The following RAB3GAP1 variants were observed in gnomAD, a reference collection of about 807,000 sequenced individuals.
RAB3GAP1 encodes the protein rab3 GTPase-activating protein catalytic subunit.
In RAB3GAP1, 86 loss-of-function variants were observed where a neutral mutation model predicts 130.7. The observed-to-expected ratio is 0.66, with a 90% CI of 0.55 to 0.79. RAB3GAP1 has a LOEUF of 0.79. Among genes scored for constraint, RAB3GAP1 ranks in the 30% least tolerant of loss-of-function variants. RAB3GAP1 has a pLI of 0.00. For missense variants in RAB3GAP1, 1,029 were observed against 1,169.4 expected (o/e 0.88, Z 1.75); for synonymous variants, 367 against 401.7 (o/e 0.91, Z 1.03).
At position 135,135,816 on chromosome 2, in the gene RAB3GAP1, G is replaced by C. The variant is rs771123278; in HGVS notation, c.1807G>C (p.Gly603Arg). The change falls in exon 17 of 24, where the codon GGC becomes CGC. Residue 603 changes from glycine (G) to arginine (R), a missense_variant. By Grantham distance (125) the Gly-to-Arg change is moderately radical. Transcript: ENST00000264158. Reference sequence around the variant, plus strand: ...ACTTAAAGGAAATGGACAAGAGAGTGGCAAGAAAGGAGGACCTAAGGAGAT... The same window carrying C: ...ACTTAAAGGAAATGGACAAGAGAGTCGCAAGAAAGGAGGACCTAAGGAGAT... ...EELKGNGQES[G>R]KKGGPKEMAN... 1 of 1,614,056 alleles carries C rather than the reference G, an allele frequency of 6.2e-7. No homozygotes were observed. Among genetic ancestry groups the C allele is most frequent in the African/African-American group, 1.3e-5 (1 of 74,934 alleles).
intron 22 of RAB3GAP1, 74 bp from the exon 23 acceptor site, chr2:135,164,520 C>A: frequency 1.7e-6 from 2 of 1,181,106 alleles, no homozygotes; most frequent in South Asian, 2.5e-5. Context: ...CACAAAACTC[C>A]TGTGGGAGGA....
intron 3 of RAB3GAP1, 94 bp from the exon 4 acceptor site, chr2:135,090,904 G>T: frequency 1.8e-6 from 2 of 1,132,080 alleles, no homozygotes; most frequent in Non-Finnish European, 1.3e-6. Flanking sequence ...GATATTTATA[G>T]GGCAGAAAAA....
intron 5 of RAB3GAP1, among the ~76,000 whole-genome samples, chr2:135,096,122 A>C (rs1324983443): frequency 1.3e-5 from 2 of 152,208 alleles, no homozygotes; most frequent in Non-Finnish European, 2.9e-5. Flanking sequence ...AGTTATTCCA[A>C]GTGTCTGTGA....
At chr2:135,072,317 A>G (rs1689498232) in intron 3 of RAB3GAP1, among the ~76,000 whole-genome samples, 1 of 152,230 alleles carries the variant, frequency 6.6e-6, no homozygotes, top group Non-Finnish European at 1.5e-5. Flanking sequence ...AGTAGCAGGC[A>G]TCATTGGGGA....
chr2:135,135,650 G>C lies in RAB3GAP1; in HGVS notation c.1641G>C (p.Gly547=). The change falls in exon 17 of 24, where the codon GGG becomes GGC. Residue 547 remains glycine, a synonymous_variant. Transcript: ENST00000264158. ...SASDVTNIYP[G]DAGKAGDQLV... ...CAGATGTCACTAATATATATCCAGGGGATGCTGGAAAAGCAGGAGACCAGT... is the reference window on the plus strand; with the variant it reads ...CAGATGTCACTAATATATATCCAGGCGATGCTGGAAAAGCAGGAGACCAGT... The C allele has an allele frequency of 6.2e-7, 1 of 1,613,520 alleles. No individual in the cohort carries two copies. The highest frequency in any genetic ancestry group is 2.2e-5 in the East Asian group (1 of 44,876).
intron 3 of RAB3GAP1, among the ~76,000 whole-genome samples, chr2:135,079,619 T>C (rs1332964504): frequency 6.6e-6 from 1 of 152,232 alleles, no homozygotes. Context: ...TCGTCTGTTC[T>C]TTCTTATCAG....
intron 3 of RAB3GAP1, among the ~76,000 whole-genome samples, chr2:135,075,679 G>A (rs1244291661): frequency 4.3e-5 from 6 of 138,956 alleles, no homozygotes; most frequent in Non-Finnish European, 9.3e-5. Flanking sequence ...GCCTTTTTTT[G>A]GGGGGGGTCA....
At chr2:135,143,694 A>T (rs887444222) in intron 17 of RAB3GAP1, among the ~76,000 whole-genome samples, 12 of 151,556 alleles carry the variant, frequency 7.9e-5, no homozygotes, top group Non-Finnish European at 1.3e-4. Flanking sequence ...AGTAGCTGGG[A>T]CTACAGGTGC....
At chr2:135,130,747 G>A (rs1396320492) in intron 13 of RAB3GAP1, 26 bp downstream of exon 13, 2 of 1,584,880 alleles carry the variant, frequency 1.3e-6, no homozygotes, top group Middle Eastern at 1.7e-4. Flanking sequence ...GTCTTTATAG[G>A]TCTATATGCA....
At chr2:135,124,432 G>A (rs1691291136) in intron 9 of RAB3GAP1, among the ~76,000 whole-genome samples, 186 bp downstream of exon 9, 1 of 152,214 alleles carries the variant, frequency 6.6e-6, no homozygotes, top group Non-Finnish European at 1.5e-5. Flanking sequence ...CTGGGAGGCT[G>A]CGGTGGGCAG....
chr2:135,086,333 C>G (rs1689981684), intron 3 of RAB3GAP1, among the ~76,000 whole-genome samples: 1 of 152,068 alleles, frequency 6.6e-6, no homozygotes, highest in Non-Finnish European at 1.5e-5. Flanking sequence ...ATGCTCTTAG[C>G]CGTGCATGAG....
At chr2:135,093,119 TC>T (rs1431856492) in intron 4 of RAB3GAP1, among the ~76,000 whole-genome samples, 1 of 152,208 alleles carries the variant, frequency 6.6e-6, no homozygotes, top group Non-Finnish European at 1.5e-5. Flanking sequence ...GGTATAATGA[TC>T]TTTTATGTTA....
chr2:135,063,836 C>G (rs1035068433), intron 3 of RAB3GAP1, among the ~76,000 whole-genome samples: 5 of 152,006 alleles, frequency 3.3e-5, no homozygotes, highest in African/African-American at 1.2e-4. Flanking sequence ...AGGTTTATAC[C>G]CAGAAGTGGA....
chr2:135,109,325 A>ATG (rs1412834262), intron 5 of RAB3GAP1, among the ~76,000 whole-genome samples: 2 of 151,580 alleles, frequency 1.3e-5, no homozygotes, highest in African/African-American at 4.9e-5. Context: ...TTTCTTTATT[A>ATG]TGTGTGTGTG....
chr2:135,081,355 TATATATAC>T (rs1343814630), intron 3 of RAB3GAP1, among the ~76,000 whole-genome samples: 20 of 88,954 alleles, frequency 2.2e-4, no homozygotes, highest in East Asian at 1.6e-3. Flanking sequence ...TATATATATA[TATATATAC>T]ACACACGTGT....
At chr2:135,095,602 C>T (rs186863064) in intron 5 of RAB3GAP1, among the ~76,000 whole-genome samples, 3 of 152,212 alleles carry the variant, frequency 2.0e-5, no homozygotes, top group African/African-American at 7.2e-5. Context: ...GTAAGAGGTA[C>T]AATCTTACCC....
intron 1 of RAB3GAP1, 27 bp downstream of exon 1, chr2:135,052,352 C>T (rs754803557): frequency 6.8e-6 from 11 of 1,614,032 alleles, no homozygotes; most frequent in South Asian, 5.5e-5. Flanking sequence ...CTACTTAATC[C>T]TTGTCACTAT....
chr2:135,150,619 T>C (rs1692147600), intron 18 of RAB3GAP1, 113 bp downstream of exon 18: 1 of 1,340,312 alleles, frequency 7.5e-7, no homozygotes, highest in East Asian at 2.4e-5. Context: ...GTTAAGTGTT[T>C]GGATTTCATT....
chr2:135,113,122 T>TCA, intron 5 of RAB3GAP1, 29 bp from the exon 6 acceptor site: 32 of 1,613,964 alleles, frequency 2.0e-5, no homozygotes, highest in Non-Finnish European at 2.7e-5. Flanking sequence ...AGGTTTCCCC[T>TCA]GTTTAATGCA....
Sources: allele counts gnomAD v4.1 joint callset (sites outside exome capture counted in the v4.1 genomes callset), GRCh38; gene constraint gnomAD v4.1.1; transcripts MANE v1.5; gene names NCBI Gene and HGNC (gene_info 2026-07-23, HGNC 2026-07-21).